The following PAK1 variants were observed in gnomAD, a reference collection of about 807,000 sequenced individuals.
The protein encoded by PAK1 is serine/threonine-protein kinase PAK 1.
PAK1 carries 29 observed loss-of-function variants against 67.4 expected under a neutral mutation model. The observed-to-expected ratio is 0.43, with a 90% CI of 0.32 to 0.59. The LOEUF (loss-of-function observed/expected upper bound fraction) is 0.59. Ranked by LOEUF, PAK1 falls within the 20% of genes least tolerant of loss-of-function variation. The pLI is 0.07. For synonymous variants in PAK1, 223 were observed against 237.4 expected (o/e 0.94, Z 0.56); for missense variants, 337 against 670.7 (o/e 0.50, Z 5.50).
chr11:77,523,587 T>C, the PAK1 span, among the ~76,000 whole-genome samples: 1 of 152,014 alleles, frequency 6.6e-6, no homozygotes, highest in African/African-American at 2.4e-5. Flanking sequence ...GTCTGGCTAA[T>C]TTTTGTATTT....
the PAK1 span, among the ~76,000 whole-genome samples, chr11:77,512,019 G>A: frequency 6.6e-6 from 1 of 152,136 alleles, no homozygotes; most frequent in Non-Finnish European, 1.5e-5. Flanking sequence ...TTAACCCCTT[G>A]AGGAGGCCAG....
At chr11:77,494,480 A>G in the PAK1 span, among the ~76,000 whole-genome samples, 1 of 152,062 alleles carries the variant, frequency 6.6e-6, no homozygotes, top group Non-Finnish European at 1.5e-5. Context: ...CTCCCACCTC[A>G]GCCTCCTAAG....
the PAK1 span, among the ~76,000 whole-genome samples, chr11:77,487,852 G>A: frequency 5.3e-5 from 8 of 152,168 alleles, no homozygotes; most frequent in Admixed American, 5.2e-4. Flanking sequence ...TGGAGTCAGG[G>A]GAACTCACTG....
chr11:77,453,814 C>T (rs898836370), intron 1 of PAK1, among the ~76,000 whole-genome samples: 1 of 152,116 alleles, frequency 6.6e-6, no homozygotes, highest in Non-Finnish European at 1.5e-5. Context: ...GGTGCGGTGG[C>T]TCACACCTGT....
chr11:77,445,740 T>C (rs2138497823), intron 1 of PAK1, among the ~76,000 whole-genome samples: 1 of 152,346 alleles, frequency 6.6e-6, no homozygotes, highest in Admixed American at 6.5e-5. Flanking sequence ...CTATCACATA[T>C]AGAATCATGG....
intron 1 of PAK1, among the ~76,000 whole-genome samples, chr11:77,454,314 T>C (rs907550542): frequency 3.9e-5 from 6 of 152,148 alleles, no homozygotes; most frequent in African/African-American, 1.4e-4. Context: ...ATATACTCTG[T>C]CCCTATTATA....
At chr11:77,512,828 T>C in the PAK1 span, among the ~76,000 whole-genome samples, 2 of 152,156 alleles carry the variant, frequency 1.3e-5, no homozygotes, top group South Asian at 4.1e-4. Flanking sequence ...GCGTGGTGGC[T>C]CACACCTGTA....
At chr11:77,459,717 G>A (rs2135470801) in intron 1 of PAK1, among the ~76,000 whole-genome samples, 1 of 146,554 alleles carries the variant, frequency 6.8e-6, no homozygotes, top group East Asian at 2.0e-4. Flanking sequence ...TTTTGAGACG[G>A]AGTCTCGCTC....
the PAK1 span, among the ~76,000 whole-genome samples, chr11:77,511,646 G>T: frequency 6.6e-6 from 1 of 152,096 alleles, no homozygotes; most frequent in Non-Finnish European, 1.5e-5. Context: ...TTTAAAAACT[G>T]GGTCAGTCAC....
chr11:77,468,173 AAGC>A (rs1249936149), intron 1 of PAK1, among the ~76,000 whole-genome samples: 1 of 152,210 alleles, frequency 6.6e-6, no homozygotes, highest in Non-Finnish European at 1.5e-5. Context: ...TAATAAAAGA[AAGC>A]AGCCCATAAA....
chr11:77,361,357 C>A (rs746216194), intron 5 of PAK1, among the ~76,000 whole-genome samples: 24 of 152,166 alleles, frequency 1.6e-4, no homozygotes, highest in Admixed American at 6.6e-4. Context: ...CAGAAACATG[C>A]TTGGTATGTT....
the PAK1 span, among the ~76,000 whole-genome samples, chr11:77,498,991 G>A: frequency 1.3e-5 from 2 of 151,792 alleles, no homozygotes; most frequent in Non-Finnish European, 1.5e-5. Context: ...GAGCCACCAC[G>A]CCCTGCCAAA....
chr11:77,416,781 G>A (rs1022203061), intron 1 of PAK1, among the ~76,000 whole-genome samples: 1 of 152,008 alleles, frequency 6.6e-6, no homozygotes, highest in Non-Finnish European at 1.5e-5. Context: ...GTGAAACCCC[G>A]TCTCTACTAA....
At chr11:77,415,976 G>GTATTATTATTATTAT (rs71043573) in intron 1 of PAK1, among the ~76,000 whole-genome samples, 12,648 of 147,308 alleles carry the variant, frequency 0.086, 731 homozygotes, top group Non-Finnish European at 0.12. Context: ...TGTATTCTTT[G>GTATTATTATTATTAT]TATTATTATT....
chr11:77,518,810 G>T, the PAK1 span, among the ~76,000 whole-genome samples: 4 of 152,098 alleles, frequency 2.6e-5, no homozygotes, highest in Admixed American at 6.6e-5. Flanking sequence ...AGGCTGAATT[G>T]TCATCCAGAA....
At chr11:77,421,445 A>G (rs1297486029) in intron 1 of PAK1, among the ~76,000 whole-genome samples, 1 of 151,830 alleles carries the variant, frequency 6.6e-6, no homozygotes, top group Non-Finnish European at 1.5e-5. Flanking sequence ...CCTTTATTCC[A>G]CCCTATCCTG....
At chr11:77,464,497 G>A (rs998448724) in intron 1 of PAK1, among the ~76,000 whole-genome samples, 7 of 152,182 alleles carry the variant, frequency 4.6e-5, no homozygotes, top group South Asian at 2.1e-4. Flanking sequence ...GACCATGTCT[G>A]TATTATTTAT....
At chr11:77,474,343 C>T (rs1958019930), upstream of PAK1, 1 of 152,162 alleles carries the variant, frequency 6.6e-6, no homozygotes, top group Non-Finnish European at 1.5e-5. Context: ...AGGGCGAACG[C>T]CTGGGATTAC....
chr11:77,353,137 GA>G, intron 8 of PAK1: 1 of 164,906 alleles, frequency 6.1e-6, no homozygotes. Context: ...CATCTACCTA[GA>G]AAAACAGGTC....
Sources: gnomAD v4.1 joint callset for allele counts (sites outside exome capture counted in the v4.1 genomes callset) on GRCh38, gnomAD v4.1.1 for gene constraint, MANE v1.5 for transcripts, NCBI Gene and HGNC (gene_info 2026-07-23, HGNC 2026-07-21) for gene names.